Variants in EXT1 observed in about 807,000 individuals in gnomAD.
The protein encoded by EXT1 is exostosin glycosyltransferase 1.
A neutral mutation model predicts 82.5 loss-of-function variants in EXT1; 20 were observed. That is an observed-to-expected ratio of 0.24 (90% confidence interval 0.17 to 0.35). The LOEUF is 0.35. Among genes scored for constraint, EXT1 ranks in the 10% least tolerant of loss-of-function variants. EXT1 has a pLI of 1.00. For synonymous variants in EXT1, 348 were observed against 350.8 expected, an observed-to-expected ratio of 0.99 and a Z score of 0.09; for missense variants, 757 against 936.5, an observed-to-expected ratio of 0.81 and a Z score of 2.50.
At chr8:117,990,151 C>A (rs568614487) in intron 1 of EXT1, among the ~76,000 whole-genome samples, 8 of 151,966 alleles carry the variant, frequency 5.3e-5, no homozygotes, top group Non-Finnish European at 7.4e-5. Flanking sequence ...CCAGCCTAGG[C>A]GACAGAGCGA....
At position 118,012,667 on chromosome 8, in the gene EXT1, C is replaced by T. The variant is rs150057598; in HGVS notation, c.962+97418G>A. On this transcript the variant is annotated intron_variant, in intron 1 of 10. Coordinates refer to ENST00000378204, the MANE Select transcript of EXT1 (RefSeq NM_000127.3). ...CACATCACATCTCTATCAGTTTCCA[C>T]ATCTTTAAAATGGGGCTGATAAAAA... Among the ~76,000 whole-genome samples, 274 of 152,358 alleles carry T rather than the reference C, an allele frequency of 1.8e-3. 1 individual carries two copies. The highest frequency in any genetic ancestry group is 6.3e-3 in the African/African-American group (264 of 41,594).
chr8:117,830,614 GC>G (rs1412882643), intron 3 of EXT1, among the ~76,000 whole-genome samples: 1 of 152,184 alleles, frequency 6.6e-6, no homozygotes, highest in Non-Finnish European at 1.5e-5. Context: ...CTTATCAGTT[GC>G]TTAGGTTAGT....
intron 1 of EXT1, among the ~76,000 whole-genome samples, chr8:117,978,218 G>A (rs1815109122): frequency 6.6e-6 from 1 of 152,228 alleles, no homozygotes; most frequent in African/African-American, 2.4e-5. Context: ...CAGCAATAAA[G>A]GGTGCCCAGT....
chr8:118,092,632 G>A (rs1172439910), intron 1 of EXT1, among the ~76,000 whole-genome samples: 1 of 152,186 alleles, frequency 6.6e-6, no homozygotes, highest in Non-Finnish European at 1.5e-5. Flanking sequence ...AAATTATACA[G>A]GGCAAGAGAA....
chr8:117,824,710 T>C (rs1811981455), intron 4 of EXT1, among the ~76,000 whole-genome samples: 1 of 152,230 alleles, frequency 6.6e-6, no homozygotes, highest in African/African-American at 2.4e-5. Context: ...TATTACATAA[T>C]ACAGCTATTT....
intron 1 of EXT1, among the ~76,000 whole-genome samples, chr8:117,948,697 C>A (rs186109078): frequency 7.9e-4 from 120 of 152,348 alleles, no homozygotes; most frequent in African/African-American, 2.8e-3. Flanking sequence ...GTTTCTTCCT[C>A]CTGCCATGTA....
intron 1 of EXT1, among the ~76,000 whole-genome samples, chr8:118,091,158 C>T (rs1297529898): frequency 6.6e-6 from 1 of 152,204 alleles, no homozygotes; most frequent in African/African-American, 2.4e-5. Flanking sequence ...ACATAAACTG[C>T]ACCCGGCCAA....
intron 1 of EXT1, among the ~76,000 whole-genome samples, chr8:118,036,861 C>T (rs11562730): frequency 0.06 from 9,168 of 152,182 alleles, 889 homozygotes; most frequent in African/African-American, 0.21. Flanking sequence ...CTCCCCATTC[C>T]TGGAATATCC....
intron 1 of EXT1, among the ~76,000 whole-genome samples, chr8:117,926,763 A>G (rs1157142341): frequency 2.6e-5 from 4 of 152,334 alleles, no homozygotes; most frequent in African/African-American, 9.6e-5. Flanking sequence ...AAACGCTTAT[A>G]TAAAAGGCTT....
intron 4 of EXT1, among the ~76,000 whole-genome samples, chr8:117,824,060 ACTGT>A (rs1353709801): frequency 6.6e-6 from 1 of 152,162 alleles, no homozygotes; most frequent in Non-Finnish European, 1.5e-5. Flanking sequence ...TTCCAAACGT[ACTGT>A]CTATTTATTT....
chr8:117,937,120 A>T (rs1452682769), intron 1 of EXT1, among the ~76,000 whole-genome samples: 1 of 152,054 alleles, frequency 6.6e-6, no homozygotes, highest in Non-Finnish European at 1.5e-5. Flanking sequence ...AGCTCCTTCA[A>T]ATACCTTTTT....
At chr8:117,993,466 A>C (rs1815475542) in intron 1 of EXT1, among the ~76,000 whole-genome samples, 1 of 152,242 alleles carries the variant, frequency 6.6e-6, no homozygotes, top group South Asian at 2.1e-4. Context: ...CAAACTATAA[A>C]TGCAGATTTC....
intron 1 of EXT1, among the ~76,000 whole-genome samples, chr8:117,923,860 G>A (rs1813906063): frequency 6.6e-6 from 1 of 152,178 alleles, no homozygotes. Context: ...CAATTCCAAA[G>A]CTGCATCTTG....
chr8:117,823,311 C>G (rs1007717798), intron 4 of EXT1, among the ~76,000 whole-genome samples: 2 of 152,088 alleles, frequency 1.3e-5, no homozygotes, highest in African/African-American at 4.8e-5. Flanking sequence ...CCTTGCAGAT[C>G]ATTAAATTCT....
At chr8:118,093,085 G>T (rs1038557459) in intron 1 of EXT1, among the ~76,000 whole-genome samples, 3 of 151,996 alleles carry the variant, frequency 2.0e-5, no homozygotes, top group Non-Finnish European at 4.4e-5. Context: ...GCTGCTGCTT[G>T]AATCTCCAAG....
At chr8:118,000,020 CACAT>C (rs756532291) in intron 1 of EXT1, among the ~76,000 whole-genome samples, 1 of 152,042 alleles carries the variant, frequency 6.6e-6, no homozygotes, top group Non-Finnish European at 1.5e-5. Flanking sequence ...CATACACACA[CACAT>C]ACACACACAC....
intron 1 of EXT1, among the ~76,000 whole-genome samples, chr8:118,087,939 CAAAA>C (rs10706033): frequency 4.8e-5 from 4 of 83,904 alleles, no homozygotes; most frequent in Admixed American, 1.3e-4. Context: ...CGTTTCAGGG[CAAAA>C]AAAAAAAAAA....
intron 1 of EXT1, among the ~76,000 whole-genome samples, chr8:118,105,688 T>C (rs938595717): frequency 6.6e-6 from 1 of 152,192 alleles, no homozygotes; most frequent in African/African-American, 2.4e-5. Context: ...ATGTTAGAAA[T>C]GCTTTTGTGC....
At chr8:117,820,443 A>C (rs1299523168) in intron 5 of EXT1, among the ~76,000 whole-genome samples, 1 of 152,134 alleles carries the variant, frequency 6.6e-6, no homozygotes, top group African/African-American at 2.4e-5. Flanking sequence ...GATCCCAGCA[A>C]TTTGGGAGGC....
Sources: allele counts gnomAD v4.1 joint callset (sites outside exome capture counted in the v4.1 genomes callset), GRCh38; gene constraint gnomAD v4.1.1; transcripts MANE v1.5; gene names NCBI Gene and HGNC (gene_info 2026-07-23, HGNC 2026-07-21).